RIT2: variants seen among roughly 807,000 people sequenced by gnomAD.
RIT2 encodes Ras like without CAAX 2.
Under a neutral mutation model 23.7 loss-of-function variants are expected in RIT2, and 24 were observed. That is an observed-to-expected ratio of 1.01 (90% confidence interval 0.73 to 1.43). The LOEUF (loss-of-function observed/expected upper bound fraction) is 1.43. Ranked by LOEUF, RIT2 falls within the 40% of genes most tolerant of loss-of-function variation. The pLI, the probability that RIT2 is intolerant of heterozygous loss-of-function variation, is 0.00. For synonymous variants in RIT2, 107 were observed against 91.1 expected (o/e 1.17, Z -0.99); for missense variants, 236 against 266.9 (o/e 0.88, Z 0.81).
intron 2 of RIT2, among the ~76,000 whole-genome samples, chr18:43,013,935 G>C (rs546392875): frequency 7.9e-5 from 12 of 151,838 alleles, no homozygotes; most frequent in African/African-American, 2.9e-4. Flanking sequence ...GAGTCATTAA[G>C]CTTCTCTTAA....
chr18:43,112,610 A>T (rs1913979804), intron 1 of RIT2, among the ~76,000 whole-genome samples: 1 of 152,180 alleles, frequency 6.6e-6, no homozygotes, highest in Non-Finnish European at 1.5e-5. Flanking sequence ...ACATGGACAA[A>T]AACATTTCTC....
At chr18:42,862,182 G>GCTGGT (rs1395441212) in intron 4 of RIT2, among the ~76,000 whole-genome samples, 5 of 152,112 alleles carry the variant, frequency 3.3e-5, no homozygotes, top group African/African-American at 1.2e-4. Flanking sequence ...GATCATGGGG[G>GCTGGT]CTGGTTCCCC....
chr18:42,905,762 C>T lies in RIT2; in HGVS notation c.426+17810G>A, dbSNP rs899556878. 4.6e-5 allele frequency among the ~76,000 whole-genome samples: 7 copies of T among 151,524 alleles called. No individual in the cohort carries two copies. In the South Asian group the frequency reaches 8.3e-4, roughly 18 times the overall value. ...TGCTGGGATTACAGGCGTGAGCCAC[C>T]GTGCCCGGCCAAACACATGTATTTT... On this transcript the variant is annotated intron_variant, in intron 4 of 4. Coordinates refer to ENST00000326695, the MANE Select transcript of RIT2 (RefSeq NM_002930.4).
chr18:42,971,330 C>G (rs1910357082), intron 3 of RIT2, among the ~76,000 whole-genome samples: 1 of 151,930 alleles, frequency 6.6e-6, no homozygotes, highest in Non-Finnish European at 1.5e-5. Context: ...CTGATGTACT[C>G]CTGACTATGT....
intron 4 of RIT2, among the ~76,000 whole-genome samples, chr18:42,845,210 A>T (rs1906874508): frequency 6.6e-6 from 1 of 152,102 alleles, no homozygotes. Flanking sequence ...AGGGATCATG[A>T]GTAGAGAAAA....
chr18:43,017,468 G>A (rs888262500), intron 2 of RIT2, among the ~76,000 whole-genome samples: 1 of 151,926 alleles, frequency 6.6e-6, no homozygotes, highest in Non-Finnish European at 1.5e-5. Flanking sequence ...TAGTTATTTA[G>A]GTTGACCAGC....
chr18:42,779,861 C>A lies in RIT2; in HGVS notation c.427-36141G>T, dbSNP rs562848506. On this transcript the variant is annotated intron_variant, in intron 4 of 4. Transcript: ENST00000326695. ...ACTTTGCCACTAACTGCTCTGTGAC[C>A]TTGAGCAGGTTACTTAATATCCAAG... Among the ~76,000 whole-genome samples the A allele has an allele frequency of 5.3e-5, 8 of 152,124 alleles. No individual in the cohort carries two copies. In the South Asian group the frequency reaches 1.7e-3, roughly 32 times the overall value.
At chr18:42,779,764 T>C (rs1437641264) in intron 4 of RIT2, among the ~76,000 whole-genome samples, 1 of 152,166 alleles carries the variant, frequency 6.6e-6, no homozygotes, top group Non-Finnish European at 1.5e-5. Context: ...GATTTGGAAA[T>C]GGCCTACAAA....
intron 4 of RIT2, among the ~76,000 whole-genome samples, chr18:42,752,333 T>C (rs926459070): frequency 3.3e-5 from 5 of 152,210 alleles, no homozygotes; most frequent in African/African-American, 4.8e-5. Flanking sequence ...AAATTAAATT[T>C]TAAGTAAAAT....
chr18:42,801,913 C>T (rs936323517), intron 4 of RIT2, among the ~76,000 whole-genome samples: 14 of 152,178 alleles, frequency 9.2e-5, no homozygotes, highest in Admixed American at 7.9e-4. Context: ...ACTCACAGCA[C>T]GGAAAACTGG....
intron 4 of RIT2, among the ~76,000 whole-genome samples, chr18:42,764,409 A>G: frequency 6.6e-6 from 1 of 152,196 alleles, no homozygotes; most frequent in Non-Finnish European, 1.5e-5. Context: ...ACATTCACCC[A>G]GATGCTAACC....
intron 1 of RIT2, among the ~76,000 whole-genome samples, chr18:43,111,822 T>G (rs1913960867): frequency 1.3e-5 from 2 of 152,152 alleles, no homozygotes; most frequent in South Asian, 4.1e-4. Flanking sequence ...TCAGAAGGAC[T>G]GGATTCTGGA....
At chr18:42,964,116 G>A (rs1334214458) in intron 3 of RIT2, among the ~76,000 whole-genome samples, 2 of 150,788 alleles carry the variant, frequency 1.3e-5, no homozygotes, top group Non-Finnish European at 3.0e-5. Flanking sequence ...GCTTAAACCT[G>A]GGAGGCGGAG....
chr18:42,874,479 T>A (rs546646919), intron 4 of RIT2, among the ~76,000 whole-genome samples: 1 of 152,144 alleles, frequency 6.6e-6, no homozygotes, highest in Non-Finnish European at 1.5e-5. Context: ...TAGAAGAAAC[T>A]GTTTACATTT....
chr18:42,947,113 A>T (rs78258643), intron 3 of RIT2, among the ~76,000 whole-genome samples: 4,684 of 152,216 alleles, frequency 0.031, 106 homozygotes, highest in Middle Eastern at 0.051. Flanking sequence ...TTCATTGAAG[A>T]GCTAGATTTA....
intron 4 of RIT2, among the ~76,000 whole-genome samples, chr18:42,750,930 A>T (rs1913031534): frequency 6.6e-6 from 1 of 151,912 alleles, no homozygotes; most frequent in South Asian, 2.1e-4. Context: ...AATTCTAATA[A>T]GAAGGAGGTA....
In RIT2 at chr18:42,791,595, T is replaced by C. The variant is rs111553825; in HGVS notation, c.427-47875A>G. Among the ~76,000 whole-genome samples the C allele has an allele frequency of 1.3e-3, 194 of 152,350 alleles. No individual in the cohort carries two copies. In the Middle Eastern group the frequency reaches 0.014, roughly 11 times the overall value. On this transcript the variant is annotated intron_variant, in intron 4 of 4. Coordinates refer to ENST00000326695, the MANE Select transcript of RIT2 (RefSeq NM_002930.4). ...CATTGTATTTTGGTGAACAAGTCTG[T>C]TTTTCTAAGATTGTTAAATCTTAAT... is the stretch of plus-strand genomic sequence containing the variant.
intron 4 of RIT2, among the ~76,000 whole-genome samples, chr18:42,751,180 T>A (rs1229968602): frequency 6.6e-6 from 1 of 151,884 alleles, no homozygotes; most frequent in Non-Finnish European, 1.5e-5. Flanking sequence ...TGAGTTATCA[T>A]TTTGGATTAT....
intron 4 of RIT2, among the ~76,000 whole-genome samples, chr18:42,845,881 C>T (rs1296104935): frequency 6.6e-6 from 1 of 151,752 alleles, no homozygotes; most frequent in South Asian, 2.1e-4. Context: ...ATTATATCTT[C>T]AAACATGTGG....
Sources: allele counts gnomAD v4.1 joint callset (sites outside exome capture counted in the v4.1 genomes callset), GRCh38; gene constraint gnomAD v4.1.1; transcripts MANE v1.5; gene names NCBI Gene and HGNC (gene_info 2026-07-23, HGNC 2026-07-21).